Variants in FOCAD observed in about 807,000 individuals in gnomAD.
FOCAD encodes focadhesin.
In FOCAD, 198 loss-of-function variants were observed where a neutral mutation model predicts 225.6. The ratio of observed to expected loss-of-function variants is 0.88; its 90% confidence interval spans 0.78 to 0.99. The LOEUF (loss-of-function observed/expected upper bound fraction) is 0.99, where lower values mean the gene tolerates loss of function less well. Among genes scored for constraint, FOCAD ranks in the 50% least tolerant of loss-of-function variants. The pLI is 0.00. For synonymous variants in FOCAD, 897 were observed against 755.0 expected, an observed-to-expected ratio of 1.19 and a Z score of -3.08; for missense variants, 2,713 against 2,123.6, an observed-to-expected ratio of 1.28 and a Z score of -5.46.
chr9:20,762,028 G>A (rs1829650448), intron 6 of FOCAD, among the ~76,000 whole-genome samples: 1 of 152,104 alleles, frequency 6.6e-6, no homozygotes, highest in African/African-American at 2.4e-5. Context: ...GAAGTTCAAC[G>A]TTTGCTCCTG....
At chr9:20,907,888 T>G (rs1166972071) in intron 22 of FOCAD, among the ~76,000 whole-genome samples, 1 of 152,054 alleles carries the variant, frequency 6.6e-6, no homozygotes, top group Non-Finnish European at 1.5e-5. Context: ...GAGCTTTCCT[T>G]TTTGAAGCCC....
intron 7 of FOCAD, among the ~76,000 whole-genome samples, chr9:20,768,966 A>G (rs1817891282): frequency 6.6e-6 from 1 of 152,102 alleles, no homozygotes; most frequent in African/African-American, 2.4e-5. Context: ...TGTCTTTTGA[A>G]CCTTTTTTTG....
At chr9:20,937,257 G>C (rs552203518) in intron 28 of FOCAD, among the ~76,000 whole-genome samples, 1 of 150,604 alleles carries the variant, frequency 6.6e-6, no homozygotes, top group East Asian at 1.9e-4. Flanking sequence ...CCAAAAAAGA[G>C]CCCACATTGC....
intron 21 of FOCAD, among the ~76,000 whole-genome samples, chr9:20,898,472 C>T (rs1177515803): frequency 6.6e-6 from 1 of 151,650 alleles, no homozygotes; most frequent in African/African-American, 2.4e-5. Context: ...TTGAGATATC[C>T]TCAAGATCAG....
At chr9:20,989,434 A>G (rs1841463066) in intron 41 of FOCAD, among the ~76,000 whole-genome samples, 1 of 152,214 alleles carries the variant, frequency 6.6e-6, no homozygotes, top group South Asian at 2.1e-4. Flanking sequence ...CAGTAATCCA[A>G]CTACTCAGAG....
intron 15 of FOCAD, among the ~76,000 whole-genome samples, chr9:20,849,014 C>T (rs1013364872): frequency 6.6e-6 from 1 of 151,920 alleles, no homozygotes; most frequent in African/African-American, 2.4e-5. Flanking sequence ...GGCATTACTT[C>T]TCTGTACTCT....
intron 38 of FOCAD, among the ~76,000 whole-genome samples, 182 bp from the exon 39 acceptor site, chr9:20,982,175 C>T (rs1840757099): frequency 6.6e-6 from 1 of 151,952 alleles, no homozygotes; most frequent in African/African-American, 2.4e-5. Flanking sequence ...AACAAAAAAA[C>T]ACAAAGTAAC....
rs547292472 is a variant in FOCAD at position 20,923,814 on chromosome 9, A to G, written c.2961+46A>G. ...CAATTGGCTTTGATTATGTCTTTTT[A>G]AGCCTGGCTTTAGGTAGCCTGGCCC... On this transcript the variant is annotated intron_variant, in intron 25 of 43. Coordinates refer to ENST00000338382, the MANE Select transcript of FOCAD (RefSeq NM_001375567.1). The G allele has an allele frequency of 4.7e-5, 69 of 1,475,686 alleles. No homozygotes were observed. The South Asian group carries it at 7.2e-4, about 15-fold the overall frequency. The allele number at this position is 1,475,686 out of a possible 1,614,324, so 91.4% of individuals were successfully genotyped here. A position where few individuals can be genotyped will look rare whatever the true frequency, so the allele number is the denominator to read the frequency against.
At chr9:20,957,255 A>AGTCT (rs60525452) in intron 35 of FOCAD, among the ~76,000 whole-genome samples, 144,331 of 151,812 alleles carry the variant, frequency 0.95, 69,065 homozygotes, top group East Asian at 1. Context: ...GTAGAGATGG[A>AGTCT]AACAATGTTG....
At chr9:20,759,547 A>C (rs934234634) in intron 6 of FOCAD, among the ~76,000 whole-genome samples, 5 of 152,230 alleles carry the variant, frequency 3.3e-5, no homozygotes, top group Non-Finnish European at 7.3e-5. Context: ...CTTACACCTT[A>C]TACAAAACTT....
At chr9:20,750,307 CACAT>C (rs1828430873) in intron 5 of FOCAD, among the ~76,000 whole-genome samples, 1 of 152,136 alleles carries the variant, frequency 6.6e-6, no homozygotes, top group African/African-American at 2.4e-5. Flanking sequence ...ATTAAGAAGA[CACAT>C]ACCCAGCTTT....
At chr9:20,687,460 C>G (rs1337270144) in intron 1 of FOCAD, among the ~76,000 whole-genome samples, 2 of 152,140 alleles carry the variant, frequency 1.3e-5, no homozygotes, top group Non-Finnish European at 2.9e-5. Context: ...TTTCCCTTCT[C>G]TCTTGACAAA....
At chr9:20,755,849 T>C (rs1828997517) in intron 5 of FOCAD, among the ~76,000 whole-genome samples, 1 of 152,110 alleles carries the variant, frequency 6.6e-6, no homozygotes, top group African/African-American at 2.4e-5. Context: ...TGGTAGAGAC[T>C]GGGTCCTGCT....
intron 1 of FOCAD, among the ~76,000 whole-genome samples, chr9:20,707,014 A>G (rs531467707): frequency 3.1e-4 from 47 of 152,280 alleles, no homozygotes; most frequent in African/African-American, 1.1e-3. Context: ...CTCAAACACC[A>G]CTGGAGAGAA....
chr9:20,763,704 T>A (rs1829811859), intron 6 of FOCAD, among the ~76,000 whole-genome samples: 1 of 151,422 alleles, frequency 6.6e-6, no homozygotes, highest in Non-Finnish European at 1.5e-5. Context: ...CTGAAAGGAG[T>A]TTAGTGTGGT....
At chr9:20,780,208 T>G (rs533419532) in intron 9 of FOCAD, among the ~76,000 whole-genome samples, 2 of 152,360 alleles carry the variant, frequency 1.3e-5, no homozygotes, top group South Asian at 4.1e-4. Flanking sequence ...TAGTTAATCC[T>G]CATTTTCACC....
At chr9:20,768,184 T>C (rs1411000672) in intron 7 of FOCAD, among the ~76,000 whole-genome samples, 1 of 148,904 alleles carries the variant, frequency 6.7e-6, no homozygotes, top group African/African-American at 2.5e-5. Context: ...CATTGATCTA[T>C]ATCTCTGTTT....
exon 1 of FOCAD, chr9:20,658,399 A>C (rs1458279387): frequency 1.2e-5 from 2 of 167,944 alleles, no homozygotes; most frequent in Non-Finnish European, 2.5e-5. Flanking sequence ...TTGCAGGTTG[A>C]TCTCAGACTG....
chr9:20,699,789 T>TAC (rs1823772156), intron 1 of FOCAD, among the ~76,000 whole-genome samples: 1 of 92,524 alleles, frequency 1.1e-5, no homozygotes, highest in African/African-American at 4.9e-5. Flanking sequence ...TATATATATA[T>TAC]ATATATATAT....
Sources: allele counts gnomAD v4.1 joint callset (sites outside exome capture counted in the v4.1 genomes callset), GRCh38; gene constraint gnomAD v4.1.1; transcripts MANE v1.5; gene names NCBI Gene and HGNC (gene_info 2026-07-23, HGNC 2026-07-21).